LAMP3: variants seen among roughly 807,000 people sequenced by gnomAD.
LAMP3 encodes lysosome associated membrane protein 3.
In LAMP3, 26 loss-of-function variants were observed where a neutral mutation model predicts 34.8. That is an observed-to-expected ratio of 0.75 (90% CI 0.55 to 1.04). The LOEUF (loss-of-function observed/expected upper bound fraction) is 1.04, where lower values mean the gene tolerates loss of function less well. Among genes scored for constraint, LAMP3 ranks in the 50% least tolerant of loss-of-function variants. The pLI, the probability that LAMP3 is intolerant of heterozygous loss-of-function variation, is 0.00. For synonymous variants in LAMP3, 180 were observed against 201.9 expected (o/e 0.89, Z 0.92); for missense variants, 495 against 524.0 (o/e 0.94, Z 0.54).
chr3:183,126,451 A>G (rs1256110092), intron 5 of LAMP3, among the ~76,000 whole-genome samples: 1 of 152,212 alleles, frequency 6.6e-6, no homozygotes, highest in African/African-American at 2.4e-5. Flanking sequence ...ACACAAAGAA[A>G]AGAAGTGACT....
rs186598058 is a variant in LAMP3, at chr3:183,137,811, C to T, written c.947-1924G>A. ...TAAATTAATTTTTGATCAGACTTCCCCTTCCCCCCACCTTTTTTTTTTTTT... is the reference window on the plus strand; with the variant it reads ...TAAATTAATTTTTGATCAGACTTCCTCTTCCCCCCACCTTTTTTTTTTTTT... On this transcript the variant is annotated intron_variant, in intron 4 of 5. Coordinates refer to ENST00000265598, the MANE Select transcript of LAMP3 (RefSeq NM_014398.4). Among the ~76,000 whole-genome samples, 5 of 151,720 alleles carry T rather than the reference C, an allele frequency of 3.3e-5. No individual in the cohort carries two copies. The South Asian group carries it at 8.3e-4, about 25-fold the overall frequency.
intron 1 of LAMP3, chr3:183,161,812 G>A (rs1644950130): frequency 4.1e-6 from 1 of 243,828 alleles, no homozygotes; most frequent in Non-Finnish European, 6.6e-6. Flanking sequence ...TGTGGAGCGT[G>A]ATGATGACTT....
At chr3:183,130,315 C>A (rs1001464568) in intron 5 of LAMP3, among the ~76,000 whole-genome samples, 1 of 151,968 alleles carries the variant, frequency 6.6e-6, no homozygotes, top group Non-Finnish European at 1.5e-5. Flanking sequence ...CCTGCCACCA[C>A]GCCTGGCTAA....
chr3:183,132,261 C>T, intron 5 of LAMP3: 1 of 944,826 alleles, frequency 1.1e-6, no homozygotes, highest in Non-Finnish European at 1.3e-6. Flanking sequence ...ACTGATAATA[C>T]ATTACAATAG....
At chr3:183,159,568 A>T (rs1720917672) in intron 1 of LAMP3, among the ~76,000 whole-genome samples, 1 of 152,156 alleles carries the variant, frequency 6.6e-6, no homozygotes, top group Non-Finnish European at 1.5e-5. Flanking sequence ...GTTTTCTGGC[A>T]CCTCTAGGGG....
intron 3 of LAMP3, among the ~76,000 whole-genome samples, chr3:183,144,725 GA>G (rs1291603188): frequency 6.6e-6 from 1 of 152,124 alleles, no homozygotes; most frequent in African/African-American, 2.4e-5. Context: ...GCAACATAAT[GA>G]AAACCTGTCT....
chr3:183,159,236 G>A (rs1161571653), intron 1 of LAMP3, among the ~76,000 whole-genome samples: 1 of 152,238 alleles, frequency 6.6e-6, no homozygotes, highest in African/African-American at 2.4e-5. Flanking sequence ...GAGAGTGTGG[G>A]TAGGGTGGGA....
Position 183,154,236 on chromosome 3 carries a change from T to C in LAMP3, c.205A>G (p.Met69Val), listed in dbSNP as rs1720757951. Residue 69 changes from methionine to valine, a missense_variant, in exon 2 of 6, where the codon ATG (methionine) becomes GTG (valine). Coordinates refer to ENST00000265598, the MANE Select transcript of LAMP3 (RefSeq NM_014398.4). ...APHQTLAARF[M>V]DGHITFQTAA... ...GTTTGAAAGGTGATATGACCATCCA[T>C]GAATCTTGCTGCTAAAGTTTGGTGA... is the stretch of plus-strand genomic sequence containing the variant. 1.2e-6 allele frequency: 2 copies of C among 1,614,140 alleles called. No individual in the cohort carries two copies. The highest frequency in any genetic ancestry group is 2.2e-5 in the East Asian group (1 of 44,886).
In LAMP3 at chr3:183,142,149, C is replaced by T. The variant is rs1199617539; in HGVS notation, c.889-1554G>A. Among the ~76,000 whole-genome samples, 4 of 152,242 alleles carry T rather than the reference C, an allele frequency of 2.6e-5. No individual in the cohort carries two copies. In the East Asian group the frequency reaches 7.7e-4, roughly 29 times the overall value. ...GCTTTAATATACCATTTATTTGGGGCATTTTTAAAATTTGGAGCCTCTTTT... is the reference window on the plus strand; with the variant it reads ...GCTTTAATATACCATTTATTTGGGGTATTTTTAAAATTTGGAGCCTCTTTT... On this transcript the variant is annotated intron_variant, in intron 3 of 5. Coordinates refer to ENST00000265598, the MANE Select transcript of LAMP3 (RefSeq NM_014398.4).
intron 5 of LAMP3, chr3:183,132,194 T>C (rs1442406498): frequency 1.0e-6 from 1 of 985,306 alleles, no homozygotes; most frequent in Non-Finnish European, 1.2e-6. Context: ...TTTGCCATGA[T>C]CTTTGATATG....
chr3:183,136,205 G>T (rs375535151), intron 4 of LAMP3, among the ~76,000 whole-genome samples: 14 of 152,100 alleles, frequency 9.2e-5, no homozygotes, highest in East Asian at 5.8e-4. Flanking sequence ...CAGTACTTGG[G>T]GGCTACAGAG....
chr3:183,141,501 T>TACAA (rs1334383583), intron 3 of LAMP3, among the ~76,000 whole-genome samples: 1 of 152,224 alleles, frequency 6.6e-6, no homozygotes, highest in Non-Finnish European at 1.5e-5. Context: ...GAAAACCATT[T>TACAA]ACAAGTTAAG....
intron 1 of LAMP3, among the ~76,000 whole-genome samples, chr3:183,156,031 T>C (rs952806671): frequency 6.6e-6 from 1 of 152,194 alleles, no homozygotes; most frequent in Admixed American, 6.5e-5. Context: ...CCTTGCCTCC[T>C]TCCAGGCACA....
chr3:183,162,915 G>C (rs1055272968), upstream of LAMP3: 14 of 483,134 alleles, frequency 2.9e-5, no homozygotes, highest in Non-Finnish European at 5.1e-5. Context: ...GCGTGGTCCC[G>C]GCAGCGCCGG....
chr3:183,135,975 T>TGGCC (rs1338136209), intron 4 of LAMP3, 88 bp from the exon 5 acceptor site: 2 of 1,023,218 alleles, frequency 2.0e-6, no homozygotes, highest in African/African-American at 3.1e-5. Flanking sequence ...CACAGCTAAA[T>TGGCC]GGCCTTCCTT....
rs1719694028 is a variant in LAMP3, at chr3:183,122,507, T to G, written c.*1574A>C. On this transcript the variant is annotated 3_prime_UTR_variant, in exon 6 of 6. Coordinates refer to ENST00000265598, the MANE Select transcript of LAMP3 (RefSeq NM_014398.4). ...AACAATAGGAAATATGGATATGAAGTGCAGAAGCAGCAAGTTACCACAAGA... is the reference window on the plus strand; with the variant it reads ...AACAATAGGAAATATGGATATGAAGGGCAGAAGCAGCAAGTTACCACAAGA... The G allele has an allele frequency of 1.3e-5, 2 of 152,208 alleles. No individual in the cohort carries two copies. The highest frequency in any genetic ancestry group is 4.1e-4 in the South Asian group (2 of 4,834). 9.4% of individuals were successfully genotyped at this position (152,208 alleles called of 1,614,324 possible).
In LAMP3 at chr3:183,152,358, AG is replaced by A; in HGVS notation, c.888+16del. On this transcript the variant is annotated intron_variant, in intron 3 of 5. Transcript: ENST00000265598. ...GCTGTACCAGATGCAGTTTGTGCAAAGGAGCTCAGGCCTCACCTTGGTAAAT... is the reference window on the plus strand; with the variant it reads ...GCTGTACCAGATGCAGTTTGTGCAAAGAGCTCAGGCCTCACCTTGGTAAAT... The A allele has an allele frequency of 6.3e-7, 1 of 1,593,888 alleles. No homozygotes were observed. The highest frequency in any genetic ancestry group is 1.8e-5 in the Admixed American group (1 of 56,146).
chr3:183,130,734 CT>C (rs1719894791), intron 5 of LAMP3, among the ~76,000 whole-genome samples: 1 of 152,178 alleles, frequency 6.6e-6, no homozygotes, highest in Admixed American at 6.6e-5. Flanking sequence ...TTTGGGGTTT[CT>C]TCCCCAGTTC....
At chr3:183,125,595 T>G (rs1207650087) in intron 5 of LAMP3, among the ~76,000 whole-genome samples, 4 of 152,252 alleles carry the variant, frequency 2.6e-5, no homozygotes, top group Non-Finnish European at 5.9e-5. Context: ...GATAAGCTTT[T>G]ATTTTTTAGA....
Sources: allele counts gnomAD v4.1 joint callset (sites outside exome capture counted in the v4.1 genomes callset), GRCh38; gene constraint gnomAD v4.1.1; transcripts MANE v1.5; gene names NCBI Gene and HGNC (gene_info 2026-07-23, HGNC 2026-07-21).